VSTM2A: variants seen among roughly 807,000 people sequenced by gnomAD.
VSTM2A encodes V-set and transmembrane domain-containing protein 2A.
In VSTM2A, 13 loss-of-function variants were observed where a neutral mutation model predicts 27.3. The ratio of observed to expected loss-of-function variants is 0.48; its 90% CI spans 0.31 to 0.76. The LOEUF (loss-of-function observed/expected upper bound fraction) is 0.76. VSTM2A is among the 30% of genes least tolerant of loss of function. The pLI, the probability that VSTM2A is intolerant of heterozygous loss-of-function variation, is 0.05. For synonymous variants in VSTM2A, 142 were observed against 125.7 expected, an observed-to-expected ratio of 1.13 and a Z score of -0.87; for missense variants, 280 against 310.0, an observed-to-expected ratio of 0.90 and a Z score of 0.73.
chr7:54,546,681 CGGGA>C (rs1787999815), intron 2 of VSTM2A: 7 of 264,648 alleles, frequency 2.6e-5, no homozygotes. Context: ...GGGACAGCGC[CGGGA>C]CAGCGCCGGG....
At chr7:54,553,777 A>G (rs1197714237) in intron 4 of VSTM2A, 1 of 1,512,272 alleles carries the variant, frequency 6.6e-7, no homozygotes, top group African/African-American at 1.4e-5. Flanking sequence ...CTCTTCGCAG[A>G]GAACACAGGA....
chr7:54,552,786 A>C (rs1788234098), intron 4 of VSTM2A, among the ~76,000 whole-genome samples: 2 of 152,224 alleles, frequency 1.3e-5, no homozygotes, highest in Non-Finnish European at 2.9e-5. Context: ...ATATTGTACT[A>C]GCCTTTTATC....
intron 4 of VSTM2A, among the ~76,000 whole-genome samples, chr7:54,567,664 CTT>C (rs1788765808): frequency 1.3e-5 from 2 of 152,210 alleles, no homozygotes; most frequent in African/African-American, 4.8e-5. Context: ...GTTGTATTTG[CTT>C]TCAGCATTTT....
At chr7:54,565,507 G>A (rs922089334) in intron 4 of VSTM2A, among the ~76,000 whole-genome samples, 2 of 152,228 alleles carry the variant, frequency 1.3e-5, no homozygotes, top group African/African-American at 4.8e-5. Context: ...AACTAAAAAG[G>A]AAGGTGCTGA....
intron 4 of VSTM2A, among the ~76,000 whole-genome samples, chr7:54,568,531 TTA>T (rs1788792105): frequency 6.6e-6 from 1 of 150,916 alleles, no homozygotes; most frequent in African/African-American, 2.5e-5. Flanking sequence ...ATTTCGAGGA[TTA>T]AAAAAAAAAA....
In VSTM2A at chr7:54,546,896, G is replaced by T. The variant is rs1240794678; in HGVS notation, c.247-51G>T. 3.5e-5 allele frequency: 56 copies of T among 1,592,064 alleles called. No homozygotes were observed. The East Asian group carries it at 8.9e-4, about 25-fold the overall frequency. On this transcript the variant is annotated intron_variant, in intron 2 of 4. Coordinates refer to ENST00000402613, the MANE Select transcript of VSTM2A (RefSeq NM_001301009.2). The stretch of plus-strand genomic sequence containing the variant: ...CGAAGGCTATGCTCGCGTGGGAGCG[G>T]GTGGTCGGGCGGGCCTGGCGCGGGA...
intron 4 of VSTM2A, among the ~76,000 whole-genome samples, chr7:54,562,235 T>C (rs925630990): frequency 6.6e-5 from 10 of 152,248 alleles, no homozygotes; most frequent in South Asian, 2.1e-4. Flanking sequence ...AGTTTTTATA[T>C]TTATAAATCA....
At chr7:54,549,569 T>C (rs1788112890) in intron 3 of VSTM2A, among the ~76,000 whole-genome samples, 1 of 152,164 alleles carries the variant, frequency 6.6e-6, no homozygotes, top group Non-Finnish European at 1.5e-5. Context: ...TACTGGCATG[T>C]AGACAATGGG....
intron 4 of VSTM2A, chr7:54,550,399 T>A: frequency 8.8e-6 from 11 of 1,246,360 alleles, no homozygotes; most frequent in Non-Finnish European, 1.2e-5. Context: ...TTCCAGGGCA[T>A]CTGAGAGCTG....
chr7:54,550,446 T>A, intron 4 of VSTM2A: 1 of 710,096 alleles, frequency 1.4e-6, no homozygotes, highest in Non-Finnish European at 2.1e-6. Flanking sequence ...TTACACATTA[T>A]AAGAACAATA....
In VSTM2A at chr7:54,570,434, T is replaced by C. The variant is rs1788858677; in HGVS notation, c.*1215T>C. On this transcript the variant is annotated 3_prime_UTR_variant, in exon 5 of 5. Transcript: ENST00000402613. Reference sequence around the variant, plus strand: ...ACCTTTATGAATTTCTGTACCTTTGTCATTCTGTTACCTTTGTCATTCTGT... The same window carrying C: ...ACCTTTATGAATTTCTGTACCTTTGCCATTCTGTTACCTTTGTCATTCTGT... 1 of 151,932 alleles carries C rather than the reference T, an allele frequency of 6.6e-6. No individual in the cohort carries two copies. The highest frequency in any genetic ancestry group is 1.5e-5 in the Non-Finnish European group (1 of 67,820). 9.4% of individuals were successfully genotyped at this position (151,932 alleles called of 1,614,324 possible). A position where few individuals can be genotyped will look rare whatever the true frequency, so the allele number is the denominator to read the frequency against.
chr7:54,549,782 C>G (rs959685503), intron 3 of VSTM2A, 52 bp from the exon 4 acceptor site: 2 of 1,478,538 alleles, frequency 1.4e-6, no homozygotes, highest in Non-Finnish European at 1.8e-6. Context: ...AAAAATGGAA[C>G]AAAATCATTT....
intron 4 of VSTM2A, chr7:54,554,083 C>T: frequency 6.4e-7 from 1 of 1,551,238 alleles, no homozygotes; most frequent in Non-Finnish European, 8.7e-7. Flanking sequence ...GGTAAATTGC[C>T]CAGGTCGCTC....
At chr7:54,547,030 C>T (rs2115789274) in intron 3 of VSTM2A, 33 bp downstream of exon 3, 10 of 1,561,826 alleles carry the variant, frequency 6.4e-6, no homozygotes, top group South Asian at 2.3e-5. Context: ...GCCGCGGGCC[C>T]AGGCTCGGGA....
At chr7:54,566,940 A>G (rs1683428159) in intron 4 of VSTM2A, among the ~76,000 whole-genome samples, 1 of 152,226 alleles carries the variant, frequency 6.6e-6, no homozygotes, top group African/African-American at 2.4e-5. Flanking sequence ...ATAAGAAGTA[A>G]TGGCATTATG....
chr7:54,552,874 C>T (rs1405044979), intron 4 of VSTM2A, among the ~76,000 whole-genome samples: 4 of 152,162 alleles, frequency 2.6e-5, no homozygotes, highest in Non-Finnish European at 5.9e-5. Context: ...AAAGCTGGCC[C>T]GTTTGGCCCT....
rs753939872 is a variant in VSTM2A, at chr7:54,544,695, G to C, written c.153G>C (p.Gln51His). Residue 51 changes from glutamine (Q) to histidine (H), a missense_variant, in exon 2 of 5, where the codon CAG becomes CAC. Physicochemically the swap from Gln to His is conservative, Grantham distance 24. Transcript: ENST00000402613. ...ATGTGGAGATGTCCTGCGCCTTCCA[G>C]AGCGGCTCCGCCTCGGTGTATCTGG... ...GQNVEMSCAFQSGSASVYLEI... is the reference protein window; with the variant it reads ...GQNVEMSCAFHSGSASVYLEI... The C allele has an allele frequency of 4.0e-5, 64 of 1,612,788 alleles. No individual in the cohort carries two copies. The Middle Eastern group carries it at 8.2e-4, about 21-fold the overall frequency.
intron 4 of VSTM2A, chr7:54,551,584 A>T (rs976364164): frequency 6.3e-4 from 96 of 152,226 alleles, no homozygotes; most frequent in African/African-American, 2.1e-3. Context: ...TAGCTGGAAC[A>T]TATATGTGTG....
intron 4 of VSTM2A, chr7:54,560,105 C>T (rs1788508371): frequency 6.6e-6 from 1 of 151,816 alleles, no homozygotes; most frequent in Non-Finnish European, 1.5e-5. Context: ...ACAGTTGTCT[C>T]ATGAGAGAGA....
Sources: gnomAD v4.1 joint callset for allele counts (sites outside exome capture counted in the v4.1 genomes callset) on GRCh38, gnomAD v4.1.1 for gene constraint, MANE v1.5 for transcripts, NCBI Gene and HGNC (gene_info 2026-07-23, HGNC 2026-07-21) for gene names.